The following DUS2 variants were observed in gnomAD, a reference collection of about 807,000 sequenced individuals.
DUS2 encodes the protein dihydrouridine synthase 2.
A neutral mutation model predicts 71.3 loss-of-function variants in DUS2; 52 were observed. The observed-to-expected ratio is 0.73, with a 90% CI of 0.58 to 0.92. The LOEUF (loss-of-function observed/expected upper bound fraction) is 0.92. DUS2 is among the 40% of genes least tolerant of loss of function. The probability of loss-of-function intolerance (pLI) is 0.00; values close to 1 mark genes in which losing one functional copy is unlikely to be tolerated. For missense variants in DUS2, 558 were observed against 622.6 expected (o/e 0.90, Z 1.10); for synonymous variants, 204 against 227.8 (o/e 0.90, Z 0.94).
intron 14 of DUS2, 64 bp downstream of exon 14, chr16:68,075,568 G>GCA (rs2034145796): frequency 6.7e-7 from 1 of 1,489,374 alleles, no homozygotes; most frequent in East Asian, 2.4e-5. Flanking sequence ...CACTGGGCCA[G>GCA]CACACTGGCT....
chr16:68,043,275 G>A (rs1461961845), intron 3 of DUS2, among the ~76,000 whole-genome samples: 2 of 152,124 alleles, frequency 1.3e-5, no homozygotes, highest in Admixed American at 6.6e-5. Flanking sequence ...GTGTGGTGGT[G>A]CCCATCTGTA....
In DUS2 at chr16:68,035,929, T is replaced by TAC. The variant is rs1187847091; in HGVS notation, c.-18-2071_-18-2070dup. 3.1e-3 allele frequency among the ~76,000 whole-genome samples: 337 copies of TAC among 108,440 alleles called. 3 individuals are homozygous for TAC. The highest frequency in any genetic ancestry group is 0.012 in the African/African-American group (310 of 25,604). 71.1% of individuals were successfully genotyped at this position (108,440 alleles called of 152,430 possible). On this transcript the variant is annotated intron_variant, in intron 2 of 16. Coordinates refer to ENST00000565263, the MANE Select transcript of DUS2 (RefSeq NM_017803.5). ...ATATATATATATATATATATATATA[T>TAC]ACACACATACATACACATATATATA...
chr16:68,029,644 G>A (rs1009422127), intron 2 of DUS2, among the ~76,000 whole-genome samples: 7 of 151,782 alleles, frequency 4.6e-5, no homozygotes, highest in Non-Finnish European at 1.0e-4. Context: ...GATGGGGTTT[G>A]CCATGTTGCC....
At chr16:68,035,931 CACACATACAT>C (rs2033518226) in intron 2 of DUS2, among the ~76,000 whole-genome samples, 4 of 114,976 alleles carry the variant, frequency 3.5e-5, no homozygotes, top group African/African-American at 1.6e-4. Flanking sequence ...TATATATATA[CACACATACAT>C]ACACATATAT....
intron 5 of DUS2, 169 bp downstream of exon 5, chr16:68,053,824 T>C (rs2033813281): frequency 3.2e-6 from 2 of 634,708 alleles, no homozygotes; most frequent in Non-Finnish European, 5.5e-6. Flanking sequence ...TGAGTAATTA[T>C]ACTATTGGAG....
At chr16:68,068,574 C>T (rs2151424505) in intron 10 of DUS2, among the ~76,000 whole-genome samples, 1 of 139,038 alleles carries the variant, frequency 7.2e-6, no homozygotes, top group African/African-American at 2.7e-5. Flanking sequence ...ATGTAGTATT[C>T]TTTCTCTCTC....
At chr16:68,066,289 A>C in intron 8 of DUS2, 28 bp from the exon 9 acceptor site, 6 of 1,609,634 alleles carry the variant, frequency 3.7e-6, no homozygotes, top group Non-Finnish European at 5.1e-6. Flanking sequence ...CAGAAGACAT[A>C]GGTGCTCTTG....
chr16:68,062,463 T>TA (rs996736335), intron 8 of DUS2, among the ~76,000 whole-genome samples: 6 of 151,806 alleles, frequency 4.0e-5, no homozygotes, highest in Non-Finnish European at 8.8e-5. Flanking sequence ...CTCATGCCTG[T>TA]AATCCCAGCA....
chr16:68,035,540 G>A (rs1184691363), intron 2 of DUS2, among the ~76,000 whole-genome samples: 1 of 151,540 alleles, frequency 6.6e-6, no homozygotes, highest in Non-Finnish European at 1.5e-5. Context: ...ATGCCACCAT[G>A]CCTGGGTAAT....
chr16:68,028,840 G>A (rs1342482919), intron 2 of DUS2, among the ~76,000 whole-genome samples: 1 of 152,080 alleles, frequency 6.6e-6, no homozygotes, highest in African/African-American at 2.4e-5. Context: ...TAATTAATGT[G>A]CCCGAGGCAC....
At chr16:68,030,223 G>A (rs1247135901) in intron 2 of DUS2, among the ~76,000 whole-genome samples, 3 of 152,074 alleles carry the variant, frequency 2.0e-5, no homozygotes, top group Admixed American at 6.6e-5. Context: ...TGTCAAAATA[G>A]GACAAGGAAG....
rs1002337475 is a variant in DUS2, at chr16:68,054,489, G to A, written c.265-85G>A. ...TTGTTGGTGTGTGGGGTGTGTGTGT[G>A]TATGTGTGTGCTGCATGGGTGTGTT... On this transcript the variant is annotated intron_variant, in intron 5 of 16. Transcript: ENST00000565263. 5.0e-6 allele frequency: 7 copies of A among 1,412,772 alleles called. No individual in the cohort carries two copies. In the Admixed American group the frequency reaches 5.0e-5, roughly 10 times the overall value. 87.5% of individuals were successfully genotyped at this position (1,412,772 alleles called of 1,614,324 possible).
At chr16:68,050,967 C>G (rs191280613) in intron 4 of DUS2, among the ~76,000 whole-genome samples, 2 of 152,336 alleles carry the variant, frequency 1.3e-5, no homozygotes, top group East Asian at 3.9e-4. Context: ...CCTCTCTCAA[C>G]ATGTCATTGC....
rs375337192 is a variant in DUS2, at chr16:68,038,130, C to T, written c.107C>T (p.Ala36Val). The T allele has an allele frequency of 3.5e-5, 57 of 1,613,592 alleles. No homozygotes were observed. The South Asian group carries it at 4.5e-4, about 13-fold the overall frequency. The change falls in exon 3 of 17, where the codon GCG becomes GTG. Residue 36 changes from alanine to valine, a missense_variant. Physicochemically the swap from Ala to Val is moderately conservative, Grantham distance 64. Coordinates refer to ENST00000565263, the MANE Select transcript of DUS2 (RefSeq NM_017803.5). Reference protein sequence around the residue: ...PMRLLALDYGADIVYCEELID... With the variant: ...PMRLLALDYGVDIVYCEELID... ...AGGCTGCTGGCCCTGGATTATGGAG[C>T]GGACATTGTTTACTGTGAGGTAAGG...
At chr16:68,033,727 G>A (rs1442091508) in intron 2 of DUS2, among the ~76,000 whole-genome samples, 1 of 149,124 alleles carries the variant, frequency 6.7e-6, no homozygotes, top group African/African-American at 2.5e-5. Flanking sequence ...CATCTCCTGG[G>A]TTCAAGTGAT....
chr16:68,071,161 C>T, intron 12 of DUS2, 53 bp downstream of exon 12: 1 of 1,588,856 alleles, frequency 6.3e-7, no homozygotes, highest in Non-Finnish European at 8.6e-7. Context: ...TACCACACTC[C>T]TGCAGAGAGC....
chr16:68,025,827 G>T (rs1438080008), intron 2 of DUS2, among the ~76,000 whole-genome samples: 2 of 152,116 alleles, frequency 1.3e-5, no homozygotes, highest in Non-Finnish European at 2.9e-5. Flanking sequence ...CTGAGATCAG[G>T]AGCTTGGTGT....
intron 2 of DUS2, among the ~76,000 whole-genome samples, chr16:68,030,365 G>T (rs1032775954): frequency 6.6e-6 from 1 of 151,980 alleles, no homozygotes; most frequent in African/African-American, 2.4e-5. Context: ...AGGCTGAGGC[G>T]GGTGGATCAC....
At chr16:68,044,318 G>A (rs9923655) in intron 3 of DUS2, among the ~76,000 whole-genome samples, 6,002 of 152,054 alleles carry the variant, frequency 0.039, 367 homozygotes, top group African/African-American at 0.13. Context: ...ATTAGTTTAC[G>A]GATTATTGCT....
Sources: allele counts gnomAD v4.1 joint callset (sites outside exome capture counted in the v4.1 genomes callset), GRCh38; gene constraint gnomAD v4.1.1; transcripts MANE v1.5; gene names NCBI Gene and HGNC (gene_info 2026-07-23, HGNC 2026-07-21).